RUNX2: variants seen among roughly 807,000 people sequenced by gnomAD.
The protein encoded by RUNX2 is RUNX family transcription factor 2, also known as runt-related transcription factor 2.
A neutral mutation model predicts 51.7 loss-of-function variants in RUNX2; 10 were observed. The observed-to-expected ratio is 0.19, with a 90% confidence interval of 0.12 to 0.33. The LOEUF (loss-of-function observed/expected upper bound fraction) is 0.33, where lower values mean the gene tolerates loss of function less well. Among genes scored for constraint, RUNX2 ranks in the 10% least tolerant of loss-of-function variants. The pLI is 1.00. For synonymous variants in RUNX2, 276 were observed against 273.6 expected, an observed-to-expected ratio of 1.01 and a Z score of -0.09; for missense variants, 562 against 691.3, an observed-to-expected ratio of 0.81 and a Z score of 2.10.
intron 5 of RUNX2, among the ~76,000 whole-genome samples, chr6:45,481,294 A>T (rs1800105977): frequency 6.6e-6 from 1 of 152,226 alleles, no homozygotes; most frequent in Non-Finnish European, 1.5e-5. Context: ...CTGGATTGGC[A>T]AATAAACAGT....
At chr6:45,343,633 T>A (rs771546229) in intron 2 of RUNX2, among the ~76,000 whole-genome samples, 2 of 152,212 alleles carry the variant, frequency 1.3e-5, no homozygotes, top group African/African-American at 4.8e-5. Flanking sequence ...TTAAGTTGCA[T>A]AACAGTACGA....
At chr6:45,421,202 G>C (rs1798177845) in intron 2 of RUNX2, 1 of 152,128 alleles carries the variant, frequency 6.6e-6, no homozygotes, top group Non-Finnish European at 1.5e-5. Flanking sequence ...AAAACGGCTG[G>C]TGCTTTTCCC....
At chr6:45,375,203 A>G (rs1407582725) in intron 2 of RUNX2, among the ~76,000 whole-genome samples, 3 of 152,208 alleles carry the variant, frequency 2.0e-5, no homozygotes, top group Non-Finnish European at 4.4e-5. Flanking sequence ...GTGAAACTCC[A>G]TCTCAAAAAT....
chr6:45,331,864 T>C (rs547087818), intron 2 of RUNX2, among the ~76,000 whole-genome samples: 35 of 151,992 alleles, frequency 2.3e-4, no homozygotes, highest in Admixed American at 7.9e-4. Context: ...AACTGATAGT[T>C]TGACTTGTTT....
chr6:45,428,741 A>C (rs1229970237), intron 3 of RUNX2, among the ~76,000 whole-genome samples: 2 of 151,466 alleles, frequency 1.3e-5, no homozygotes, highest in African/African-American at 2.4e-5. Flanking sequence ...TCAATTTTCC[A>C]TTTCTTCTAA....
chr6:45,524,454 C>T (rs765332584), intron 7 of RUNX2, among the ~76,000 whole-genome samples: 10 of 152,044 alleles, frequency 6.6e-5, no homozygotes, highest in Non-Finnish European at 1.2e-4. Context: ...TAAAGCTTAT[C>T]GCCATCTCGC....
In RUNX2 at chr6:45,408,579, T is replaced by A. The variant is rs79712679; in HGVS notation, c.59-14014T>A. On this transcript the variant is annotated intron_variant, in intron 2 of 8. Transcript: ENST00000647337. The stretch of plus-strand genomic sequence containing the variant: ...AAATAAGATGCCTGTGTCATGTAAT[T>A]TAGTGAATTAATTGAAAACAGAAGG... 2.8e-3 allele frequency among the ~76,000 whole-genome samples: 423 copies of A among 152,046 alleles called. 3 individuals carry two copies. Among genetic ancestry groups the A allele is most frequent in the African/African-American group, 9.3e-3 (386 of 41,458 alleles).
intron 6 of RUNX2, among the ~76,000 whole-genome samples, chr6:45,505,875 C>T (rs917451381): frequency 1.3e-5 from 2 of 152,168 alleles, no homozygotes; most frequent in East Asian, 1.9e-4. Context: ...ATCTTTAGAG[C>T]GTTTTTAAAA....
At chr6:45,457,545 A>T (rs951548875) in intron 5 of RUNX2, among the ~76,000 whole-genome samples, 2 of 152,252 alleles carry the variant, frequency 1.3e-5, no homozygotes, top group Non-Finnish European at 2.9e-5. Context: ...TAACATTTTC[A>T]GTTCATAAGT....
At chr6:45,345,049 C>T (rs1790568565) in intron 2 of RUNX2, among the ~76,000 whole-genome samples, 1 of 152,116 alleles carries the variant, frequency 6.6e-6, no homozygotes, top group Admixed American at 6.5e-5. Context: ...TACATTAAAA[C>T]GTTCCTCATG....
intron 7 of RUNX2, among the ~76,000 whole-genome samples, chr6:45,537,827 C>T (rs1339808147): frequency 1.3e-5 from 2 of 152,128 alleles, no homozygotes; most frequent in African/African-American, 4.8e-5. Flanking sequence ...TCCACGGGAG[C>T]GCCTCAAAGG....
chr6:45,453,742 C>CT (rs1289418095), intron 5 of RUNX2, among the ~76,000 whole-genome samples: 2 of 152,038 alleles, frequency 1.3e-5, no homozygotes, highest in Non-Finnish European at 2.9e-5. Context: ...AGTGAAGGTC[C>CT]TGTGCTTTGA....
chr6:45,524,949 A>G (rs1461287299), intron 7 of RUNX2, among the ~76,000 whole-genome samples: 1 of 152,188 alleles, frequency 6.6e-6, no homozygotes, highest in African/African-American at 2.4e-5. Flanking sequence ...CGTATCTACT[A>G]TAAATACAAC....
chr6:45,408,491 A>G (rs1216705314), intron 2 of RUNX2, among the ~76,000 whole-genome samples: 2 of 152,120 alleles, frequency 1.3e-5, no homozygotes, highest in Non-Finnish European at 2.9e-5. Context: ...GATGCAATGC[A>G]GCCCCTAAGA....
At chr6:45,440,467 A>ACGG (rs1164943622) in intron 5 of RUNX2, among the ~76,000 whole-genome samples, 1 of 152,234 alleles carries the variant, frequency 6.6e-6, no homozygotes, top group Non-Finnish European at 1.5e-5. Context: ...CACGTTTTCT[A>ACGG]CGGAGTGCCA....
At chr6:45,435,706 CT>C in intron 4 of RUNX2, among the ~76,000 whole-genome samples, 1 of 152,148 alleles carries the variant, frequency 6.6e-6, no homozygotes, top group South Asian at 2.1e-4. Context: ...TAACTGAGAT[CT>C]GTATATATCC....
At chr6:45,405,879 G>A (rs1347024920) in intron 2 of RUNX2, among the ~76,000 whole-genome samples, 7 of 152,072 alleles carry the variant, frequency 4.6e-5, no homozygotes, top group Non-Finnish European at 1.0e-4. Flanking sequence ...CTAGCATTAC[G>A]ATTTACTACT....
At chr6:45,335,142 T>C (rs765926971) in intron 2 of RUNX2, among the ~76,000 whole-genome samples, 3 of 151,206 alleles carry the variant, frequency 2.0e-5, no homozygotes, top group Non-Finnish European at 3.0e-5. Flanking sequence ...ATTTAAGCAT[T>C]GAATTTCTAA....
intron 2 of RUNX2, among the ~76,000 whole-genome samples, chr6:45,398,827 A>G (rs1797636031): frequency 6.6e-6 from 1 of 152,338 alleles, no homozygotes; most frequent in South Asian, 2.1e-4. Flanking sequence ...CTAAGAAAGT[A>G]GGTATTATTG....
Sources: allele counts gnomAD v4.1 joint callset (sites outside exome capture counted in the v4.1 genomes callset), GRCh38; gene constraint gnomAD v4.1.1; transcripts MANE v1.5; gene names NCBI Gene and HGNC (gene_info 2026-07-23, HGNC 2026-07-21).